Variants in PRELID2 observed in about 807,000 individuals in gnomAD.
PRELID2 encodes PRELI domain containing 2.
Under a neutral mutation model 28.4 loss-of-function variants are expected in PRELID2, and 25 were observed. The ratio of observed to expected loss-of-function variants is 0.88; its 90% confidence interval spans 0.64 to 1.23. The LOEUF is 1.23. Among genes scored for constraint, PRELID2 ranks in the 50% most tolerant of loss-of-function variants. The probability of loss-of-function intolerance (pLI) is 0.00; values close to 1 mark genes in which losing one functional copy is unlikely to be tolerated. For missense variants in PRELID2, 201 were observed against 214.4 expected (o/e 0.94, Z 0.39); for synonymous variants, 76 against 71.6 (o/e 1.06, Z -0.31).
At chr5:145,522,333 C>G (rs1218712068) in intron 1 of PRELID2, among the ~76,000 whole-genome samples, 1 of 151,946 alleles carries the variant, frequency 6.6e-6, no homozygotes, top group East Asian at 1.9e-4. Context: ...AAATGTCATA[C>G]TACATGTAGC....
At chr5:145,589,922 A>G (rs974360176) in intron 1 of PRELID2, among the ~76,000 whole-genome samples, 1 of 152,190 alleles carries the variant, frequency 6.6e-6, no homozygotes, top group African/African-American at 2.4e-5. Flanking sequence ...TGCATCCAAC[A>G]CCACTTTTTG....
In PRELID2 at chr5:145,592,498, C is replaced by T. The variant is rs1380635570; in HGVS notation, n.71-119183G>A. On this transcript the variant is annotated intron_variant and non_coding_transcript_variant, in intron 1 of 2. Coordinates refer to the PRELID2 transcript ENST00000510259. ...TACACACACACACACACACACATTG[C>T]TATGGAGTGATGACCACAGCAGAAT... Among the ~76,000 whole-genome samples the T allele has an allele frequency of 2.0e-5, 3 of 151,774 alleles. No individual in the cohort carries two copies. The East Asian group carries it at 5.8e-4, about 29-fold the overall frequency.
chr5:145,381,425 T>C, the PRELID2 span, among the ~76,000 whole-genome samples: 1 of 152,206 alleles, frequency 6.6e-6, no homozygotes, highest in Admixed American at 6.5e-5. Context: ...TTATTACTTT[T>C]AATGGCAAAA....
chr5:145,654,600 A>G (rs1754359139), intron 1 of PRELID2, among the ~76,000 whole-genome samples: 1 of 152,264 alleles, frequency 6.6e-6, no homozygotes, highest in South Asian at 2.1e-4. Flanking sequence ...CAACATACGC[A>G]AATCAATAAA....
chr5:145,560,831 T>G (rs1256913510), intron 1 of PRELID2, among the ~76,000 whole-genome samples: 1 of 152,210 alleles, frequency 6.6e-6, no homozygotes, highest in African/African-American at 2.4e-5. Context: ...CAGTTAGGGC[T>G]GTAATGCACA....
At chr5:145,659,995 A>G (rs977917570) in intron 1 of PRELID2, among the ~76,000 whole-genome samples, 36 of 152,170 alleles carry the variant, frequency 2.4e-4, no homozygotes, top group African/African-American at 8.4e-4. Flanking sequence ...TAATAGTAAC[A>G]GTGGCTACCG....
At chr5:145,801,328 G>A (rs1363978135) in intron 4 of PRELID2, among the ~76,000 whole-genome samples, 3 of 151,962 alleles carry the variant, frequency 2.0e-5, no homozygotes, top group Non-Finnish European at 2.9e-5. Flanking sequence ...CTTTTCCCAC[G>A]TTATGTAATC....
At chr5:145,627,098 A>G (rs1214558146) in intron 1 of PRELID2, among the ~76,000 whole-genome samples, 3 of 16,506 alleles carry the variant, frequency 1.8e-4, no homozygotes, top group African/African-American at 1.3e-3. Context: ...AGACTCTCCC[A>G]AAAAAAAAAA....
chr5:145,616,641 G>A (rs1346199064), intron 1 of PRELID2, among the ~76,000 whole-genome samples: 1 of 152,178 alleles, frequency 6.6e-6, no homozygotes, highest in Non-Finnish European at 1.5e-5. Context: ...CAAATAGGGT[G>A]TGGGTCACAG....
chr5:145,579,616 A>T (rs1580983358), intron 1 of PRELID2, among the ~76,000 whole-genome samples: 1 of 152,118 alleles, frequency 6.6e-6, no homozygotes, highest in African/African-American at 2.4e-5. Flanking sequence ...CACTGGCTGG[A>T]GTGAATCATT....
intron 1 of PRELID2, among the ~76,000 whole-genome samples, chr5:145,655,509 G>T (rs1754377727): frequency 6.6e-6 from 1 of 152,068 alleles, no homozygotes; most frequent in Admixed American, 6.6e-5. Context: ...ATACTACAAG[G>T]CTACAGTAAC....
intron 1 of PRELID2, among the ~76,000 whole-genome samples, chr5:145,477,116 A>G (rs996354853): frequency 3.3e-5 from 5 of 152,132 alleles, no homozygotes; most frequent in African/African-American, 7.2e-5. Context: ...AGTGGTAGAA[A>G]CTCCAGATCT....
chr5:145,818,091 G>A, intron 3 of PRELID2, 37 bp from the exon 4 acceptor site: 1 of 1,600,230 alleles, frequency 6.2e-7, no homozygotes, highest in Non-Finnish European at 8.5e-7. Context: ...TTCAATTTAG[G>A]AAGAGCAGGC....
intron 1 of PRELID2, among the ~76,000 whole-genome samples, chr5:145,581,867 A>T (rs984840478): frequency 6.6e-6 from 1 of 152,094 alleles, no homozygotes; most frequent in African/African-American, 2.4e-5. Context: ...TCAAACAGTA[A>T]ATGCTGTTTC....
At chr5:145,591,820 C>G (rs1753232788) in intron 1 of PRELID2, among the ~76,000 whole-genome samples, 1 of 152,172 alleles carries the variant, frequency 6.6e-6, no homozygotes, top group Non-Finnish European at 1.5e-5. Context: ...ATACTTAAAA[C>G]CTTTCCCTGG....
At chr5:145,583,353 T>G (rs943115828) in intron 1 of PRELID2, among the ~76,000 whole-genome samples, 2 of 152,170 alleles carry the variant, frequency 1.3e-5, no homozygotes, top group South Asian at 2.1e-4. Flanking sequence ...GGGCAAAAAC[T>G]TGGAGCATTC....
chr5:145,568,311 C>T (rs1044103678), intron 1 of PRELID2, among the ~76,000 whole-genome samples: 3 of 152,132 alleles, frequency 2.0e-5, no homozygotes, highest in Non-Finnish European at 2.9e-5. Context: ...CAGATGTTAG[C>T]GTCTATTGTA....
the PRELID2 span, among the ~76,000 whole-genome samples, chr5:145,463,384 G>C: frequency 7.1e-6 from 1 of 140,568 alleles, no homozygotes; most frequent in East Asian, 2.1e-4. Context: ...TAATTGATAT[G>C]GTCCTGTCTA....
At chr5:145,497,845 G>A (rs1000922964) in intron 1 of PRELID2, among the ~76,000 whole-genome samples, 1 of 152,192 alleles carries the variant, frequency 6.6e-6, no homozygotes, top group African/African-American at 2.4e-5. Flanking sequence ...TGGACAGCTG[G>A]GCATGGATCA....
Sources: allele counts gnomAD v4.1 joint callset (sites outside exome capture counted in the v4.1 genomes callset), GRCh38; gene constraint gnomAD v4.1.1; transcripts MANE v1.5; gene names NCBI Gene and HGNC (gene_info 2026-07-23, HGNC 2026-07-21).